SNX10: variants seen among roughly 807,000 people sequenced by gnomAD.
SNX10 encodes sorting nexin-10.
A neutral mutation model predicts 28.5 loss-of-function variants in SNX10; 25 were observed. The ratio of observed to expected loss-of-function variants is 0.88; its 90% confidence interval spans 0.64 to 1.22. The LOEUF is 1.22. SNX10 is among the 50% of genes most tolerant of loss of function. The pLI is 0.00. For synonymous variants in SNX10, 62 were observed against 81.4 expected (o/e 0.76, Z 1.28); for missense variants, 223 against 242.6 (o/e 0.92, Z 0.54).
intron 1 of SNX10, among the ~76,000 whole-genome samples, chr7:26,306,393 A>G (rs1786593821): frequency 6.6e-6 from 1 of 151,184 alleles, no homozygotes. Flanking sequence ...CTATCTGACA[A>G]AAAAGATGCT....
At chr7:26,318,886 A>G (rs2127999746) in intron 1 of SNX10, among the ~76,000 whole-genome samples, 1 of 152,274 alleles carries the variant, frequency 6.6e-6, no homozygotes, top group South Asian at 2.1e-4. Flanking sequence ...TTTTCTCCAC[A>G]TGAGATCCCT....
Position 26,364,250 on chromosome 7 carries a change from G to A in SNX10, c.112-285G>A. On this transcript the variant is annotated intron_variant, in intron 3 of 6. Transcript: ENST00000338523. This position sits in a 1 kb window ranked among gnomAD's most constrained non-coding sequence, Gnocchi z 4.9. ...TATTTTTTATGATTTATTCTTGAAA[G>A]CAGTGCTCATAGGTGAGTAGGAGGC... is the stretch of plus-strand genomic sequence containing the variant. 1.3e-6 allele frequency: 1 copy of A among 779,408 alleles called. No homozygotes were observed. Among genetic ancestry groups the A allele is most frequent in the Admixed American group, 5.0e-5 (1 of 19,934 alleles). The allele number at this position is 779,408 out of a possible 1,614,324, so 48.3% of individuals were successfully genotyped here.
intron 1 of SNX10, among the ~76,000 whole-genome samples, chr7:26,340,586 C>G (rs1360747383): frequency 6.6e-6 from 1 of 152,200 alleles, no homozygotes; most frequent in Admixed American, 6.5e-5. Context: ...GTACCATGCT[C>G]TCAGGGCAGT....
chr7:26,296,760 C>G (rs1362455891), intron 1 of SNX10, among the ~76,000 whole-genome samples: 1 of 152,078 alleles, frequency 6.6e-6, no homozygotes. Flanking sequence ...CGCCTGTAAT[C>G]TTAGTGCTTT....
At chr7:26,351,655 TTTTG>T (rs869153517) in intron 2 of SNX10, among the ~76,000 whole-genome samples, 911 of 74,256 alleles carry the variant, frequency 0.012, 71 homozygotes, top group South Asian at 0.053. Flanking sequence ...GGTTTTTTTT[TTTTG>T]TTTTTTTTTT....
At chr7:26,293,916 C>G (rs753233889) in intron 1 of SNX10, among the ~76,000 whole-genome samples, 3 of 152,170 alleles carry the variant, frequency 2.0e-5, no homozygotes, top group Non-Finnish European at 2.9e-5. Flanking sequence ...TACAGCAATT[C>G]TGCTGGGCTT....
At chr7:26,362,188 A>G (rs1013657501) in intron 3 of SNX10, among the ~76,000 whole-genome samples, 1 of 152,162 alleles carries the variant, frequency 6.6e-6, no homozygotes, top group African/African-American at 2.4e-5. Flanking sequence ...AGGATATGCC[A>G]TGTATTTTGA....
chr7:26,332,861 G>T (rs899751016), intron 1 of SNX10, among the ~76,000 whole-genome samples: 3 of 152,162 alleles, frequency 2.0e-5, no homozygotes, highest in Non-Finnish European at 4.4e-5. Context: ...CGGTGCCCTT[G>T]TTGGGGAAAT....
At chr7:26,335,807 G>A (rs1277587355) in intron 1 of SNX10, among the ~76,000 whole-genome samples, 1 of 140,534 alleles carries the variant, frequency 7.1e-6, no homozygotes, top group African/African-American at 2.7e-5. Context: ...GCTGTGGCGC[G>A]ATCTCCGCTC....
rs775740830 is a variant in SNX10 at position 26,372,002 on chromosome 7, A to G, written c.493A>G (p.Lys165Glu). Reference protein sequence around the residue: ...RFPEEDEEGKKENDIDYDSES... With the variant: ...RFPEEDEEGKEENDIDYDSES... ...CCCTGAAGAAGATGAAGAAGGAAAA[A>G]AAGAAAATGATATAGATTATGATTC... Residue 165 changes from lysine to glutamate, a missense_variant, in exon 6 of 7, where the codon AAA (lysine) becomes GAA (glutamate). Transcript: ENST00000338523. 6.2e-7 allele frequency: 1 copy of G among 1,610,904 alleles called. No homozygotes were observed. Among genetic ancestry groups the G allele is most frequent in the South Asian group, 1.1e-5 (1 of 90,982 alleles).
chr7:26,340,118 G>A (rs1378193867), intron 1 of SNX10, among the ~76,000 whole-genome samples: 1 of 152,080 alleles, frequency 6.6e-6, no homozygotes, highest in Non-Finnish European at 1.5e-5. Flanking sequence ...CTTTTGGTCA[G>A]TAGTTTACTT....
At chr7:26,346,356 G>A (rs998134252) in intron 1 of SNX10, 64 bp from the exon 2 acceptor site, 8 of 986,570 alleles carry the variant, frequency 8.1e-6, no homozygotes, top group Non-Finnish European at 1.3e-5. Flanking sequence ...GGGAGGCCAT[G>A]AGTGGTGTAT....
intron 1 of SNX10, among the ~76,000 whole-genome samples, chr7:26,328,349 G>T (rs545139497): frequency 6.6e-5 from 10 of 152,314 alleles, no homozygotes; most frequent in African/African-American, 2.4e-4. Flanking sequence ...ATTGTCTAGG[G>T]TGTGGATGGG....
Position 26,364,457 on chromosome 7 carries a change from AT to A in SNX10, c.112-77del. ...AATCCTATTTAGAGTGAATGTTGAG[AT>A]CATATTGTGAATTATAGATACAAGA... On this transcript the variant is annotated intron_variant, in intron 3 of 6. Coordinates refer to ENST00000338523, the MANE Select transcript of SNX10 (RefSeq NM_013322.3). The surrounding 1 kb of genome is among the most constrained non-coding windows in gnomAD (Gnocchi z 4.9). 1 of 1,495,420 alleles carries A rather than the reference AT, an allele frequency of 6.7e-7. No individual in the cohort carries two copies. 92.6% of individuals were successfully genotyped at this position (1,495,420 alleles called of 1,614,324 possible).
chr7:26,348,947 G>C (rs1043292172), intron 2 of SNX10, among the ~76,000 whole-genome samples: 9 of 152,214 alleles, frequency 5.9e-5, no homozygotes, highest in African/African-American at 2.2e-4. Context: ...TAGAAGTCAA[G>C]AAGAAGCTTT....
chr7:26,370,156 C>CA (rs1162171668), intron 5 of SNX10, among the ~76,000 whole-genome samples: 1 of 152,178 alleles, frequency 6.6e-6, no homozygotes, highest in African/African-American at 2.4e-5. Flanking sequence ...AAACCGCTGA[C>CA]AGAGGCCACA....
rs80227051 is a variant in SNX10, at chr7:26,366,889, A to G, written c.311+1744A>G. Among the ~76,000 whole-genome samples, 581 of 152,322 alleles carry G rather than the reference A, an allele frequency of 3.8e-3. 4 individuals are homozygous for G. Among genetic ancestry groups the G allele is most frequent in the African/African-American group, 0.014 (563 of 41,552 alleles). On this transcript the variant is annotated intron_variant, in intron 5 of 6. Transcript: ENST00000338523. ...AGTGTCATTCAGCCATAGTGGGGTT[A>G]TGCTTGTGCCAGGTTATTTTTGCAT... is the stretch of plus-strand genomic sequence containing the variant.
At chr7:26,319,139 G>A (rs575475850) in intron 1 of SNX10, among the ~76,000 whole-genome samples, 8 of 152,124 alleles carry the variant, frequency 5.3e-5, no homozygotes, top group Admixed American at 4.6e-4. Context: ...AGAGTGGCTT[G>A]TGAACAATGT....
intron 2 of SNX10, among the ~76,000 whole-genome samples, chr7:26,352,110 CTCTATA>C (rs10571208): frequency 0.15 from 23,138 of 151,920 alleles, 2,220 homozygotes; most frequent in South Asian, 0.33. Context: ...TTCATAATTT[CTCTATA>C]TCTAAAACTG....
Sources: gnomAD v4.1 joint callset for allele counts (sites outside exome capture counted in the v4.1 genomes callset) on GRCh38, gnomAD v4.1.1 for gene constraint, Gnocchi (gnomAD v3.1) non-coding constraint, MANE v1.5 for transcripts, NCBI Gene and HGNC (gene_info 2026-07-23, HGNC 2026-07-21) for gene names.